Variants in ARID2 observed in about 807,000 individuals in gnomAD.
The protein encoded by ARID2 is AT-rich interaction domain 2, also known as AT-rich interactive domain-containing protein 2.
ARID2 carries 32 observed loss-of-function variants against 184.6 expected under a neutral mutation model. The ratio of observed to expected loss-of-function variants is 0.17; its 90% CI spans 0.13 to 0.23. The LOEUF is 0.23. Among genes scored for constraint, ARID2 ranks in the 10% least tolerant of loss-of-function variants. The pLI, the probability that ARID2 is intolerant of heterozygous loss-of-function variation, is 1.00. For missense variants in ARID2, 1,696 were observed against 2,197.6 expected (o/e 0.77, Z 4.56); for synonymous variants, 836 against 772.6 (o/e 1.08, Z -1.36).
At chr12:45,786,808 C>G (rs1176136788) in intron 3 of ARID2, among the ~76,000 whole-genome samples, 1 of 152,122 alleles carries the variant, frequency 6.6e-6, no homozygotes, top group Admixed American at 6.5e-5. Context: ...TACTATTCAG[C>G]CGTAAAAAAG....
chr12:45,867,080 A>T (rs1175188593), intron 16 of ARID2, among the ~76,000 whole-genome samples: 29 of 152,160 alleles, frequency 1.9e-4, no homozygotes, highest in Admixed American at 1.5e-3. Flanking sequence ...CTTCCTGAGT[A>T]GCTGGGACTA....
At chr12:45,798,064 G>C (rs1942423535) in intron 3 of ARID2, among the ~76,000 whole-genome samples, 1 of 152,076 alleles carries the variant, frequency 6.6e-6, no homozygotes, top group African/African-American at 2.4e-5. Context: ...TACCTAGATA[G>C]AAATACACCA....
chr12:45,800,925 ACT>A (rs1273209713), intron 3 of ARID2, among the ~76,000 whole-genome samples: 1 of 152,082 alleles, frequency 6.6e-6, no homozygotes, highest in Non-Finnish European at 1.5e-5. Context: ...GTAAGAGGAG[ACT>A]CTCTGAATCC....
intron 15 of ARID2, among the ~76,000 whole-genome samples, chr12:45,856,096 ACACAGTCTCG>A (rs1372152974): frequency 3.2e-5 from 3 of 93,922 alleles, no homozygotes; most frequent in Admixed American, 1.5e-4. Context: ...TTTTTTTGAG[ACACAGTCTCG>A]CTCTGTTGCG....
intron 20 of ARID2, among the ~76,000 whole-genome samples, chr12:45,899,787 TC>T (rs1266613195): frequency 2.4e-5 from 2 of 84,426 alleles, no homozygotes; most frequent in South Asian, 7.7e-4. Flanking sequence ...TACCCCCCCC[TC>T]CCACCTCCAA....
intron 16 of ARID2, among the ~76,000 whole-genome samples, chr12:45,888,245 G>A (rs1180411760): frequency 2.0e-5 from 3 of 150,088 alleles, no homozygotes; most frequent in African/African-American, 7.4e-5. Context: ...TCAGTAATAA[G>A]CATTTTTTTC....
intron 16 of ARID2, among the ~76,000 whole-genome samples, chr12:45,876,473 C>T (rs993220464): frequency 2.0e-5 from 3 of 150,476 alleles, no homozygotes; most frequent in Non-Finnish European, 3.0e-5. Flanking sequence ...TCGTTTGAGC[C>T]CGGAAGGTGG....
chr12:45,808,761 ATGTGTGTGTG>A (rs533034285), intron 3 of ARID2, among the ~76,000 whole-genome samples: 1 of 141,046 alleles, frequency 7.1e-6, no homozygotes, highest in African/African-American at 2.6e-5. Context: ...GTGTGTGTGT[ATGTGTGTGTG>A]TGTGTGTTGA....
rs1459853256 is a variant in ARID2, at chr12:45,811,543, G to C, written c.410G>C (p.Ser137Thr). The C allele has an allele frequency of 6.2e-7, 1 of 1,612,692 alleles. No individual in the cohort carries two copies. Among genetic ancestry groups the C allele is most frequent in the Admixed American group, 1.7e-5 (1 of 59,758 alleles). Residue 137 changes from serine to threonine, a missense_variant, in exon 4 of 21, where the codon AGT becomes ACT. Ser to Thr is a moderately conservative substitution (Grantham distance 58, BLOSUM62 1). This residue lies in a region of ARID2 where 148 missense variants were observed against 285.4 expected (regional missense o/e 0.52). Coordinates refer to ENST00000334344, the MANE Select transcript of ARID2 (RefSeq NM_152641.4). ...TCTTCCTACAATTACCAGCAACACAGTGTGTCGGGTAAATATCACTGCAAA... is the reference window on the plus strand; with the variant it reads ...TCTTCCTACAATTACCAGCAACACACTGTGTCGGGTAAATATCACTGCAAA... Reference protein sequence around the residue: ...IPSSYNYQQHSVSDYLRQSYG... With the variant: ...IPSSYNYQQHTVSDYLRQSYG...
In ARID2 at chr12:45,888,509, T is replaced by A. The variant is rs145369894; in HGVS notation, c.4923-3271T>A. Among the ~76,000 whole-genome samples the A allele has an allele frequency of 2.9e-4, 44 of 152,278 alleles. No homozygotes were observed. The East Asian group carries it at 8.3e-3, about 29-fold the overall frequency. On this transcript the variant is annotated intron_variant, in intron 16 of 20. Coordinates refer to ENST00000334344, the MANE Select transcript of ARID2 (RefSeq NM_152641.4). ...GCAAAGCTTGGCAATTTTGGAATAG[T>A]TGTGGAGAAGATCTCAGAGTAGAGG...
Position 45,839,385 on chromosome 12 carries a change from G to T in ARID2, c.1387G>T (p.Ala463Ser), listed in dbSNP as rs749785309. 6.2e-7 allele frequency: 1 copy of T among 1,614,020 alleles called. No individual in the cohort carries two copies. The highest frequency in any genetic ancestry group is 1.1e-5 in the South Asian group (1 of 91,068). ...DIQMFGPDAL[A>S]AVKLIEHPSS... Reference sequence around the variant, plus strand: ...TCAGATGTTTGGCCCTGATGCACTAGCTGCGGTAAAACTCATTGAACACCC... The same window carrying T: ...TCAGATGTTTGGCCCTGATGCACTATCTGCGGTAAAACTCATTGAACACCC... Residue 463 changes from alanine (A) to serine (S), a missense_variant, in exon 11 of 21, where the codon GCT (alanine) becomes TCT (serine). Ala to Ser is a moderately conservative substitution (Grantham distance 99, BLOSUM62 1). Around this residue, in one of 11 missense-constraint regions of ARID2, gnomAD observed 86 missense variants for 200.8 expected, o/e 0.43. Transcript: ENST00000334344.
chr12:45,823,883 C>G (rs1942943257), intron 6 of ARID2, among the ~76,000 whole-genome samples: 1 of 152,122 alleles, frequency 6.6e-6, no homozygotes, highest in Admixed American at 6.6e-5. Flanking sequence ...CAGTTCTTCT[C>G]TAACTATTCC....
intron 11 of ARID2, chr12:45,840,180 G>T (rs1943317084): frequency 6.6e-6 from 1 of 151,800 alleles, no homozygotes; most frequent in Non-Finnish European, 1.5e-5. Context: ...CTCTACCTTG[G>T]TTTATACTAA....
At chr12:45,854,900 C>T (rs981640894) in intron 15 of ARID2, among the ~76,000 whole-genome samples, 1 of 152,160 alleles carries the variant, frequency 6.6e-6, no homozygotes, top group Non-Finnish European at 1.5e-5. Flanking sequence ...AAGATGAGGA[C>T]TCAAGATGGC....
intron 16 of ARID2, among the ~76,000 whole-genome samples, chr12:45,867,086 G>A (rs1193809454): frequency 6.6e-6 from 1 of 152,032 alleles, no homozygotes; most frequent in Non-Finnish European, 1.5e-5. Flanking sequence ...GAGTAGCTGG[G>A]ACTACAGGTG....
At chr12:45,761,585 T>C (rs1941680108) in intron 3 of ARID2, among the ~76,000 whole-genome samples, 1 of 152,196 alleles carries the variant, frequency 6.6e-6, no homozygotes, top group Admixed American at 6.5e-5. Context: ...TGAAATCTGG[T>C]ATCAGTTTGA....
Position 45,906,770 on chromosome 12 carries a change from TGTA to T in ARID2, c.*1694_*1696del, listed in dbSNP as rs1165490515. Reference sequence around the variant, plus strand: ...TCATCTTGTTATAATGCAGAGCAAATGTAGAGAACAGCAAATGATTGATGCAGT... The same window carrying T: ...TCATCTTGTTATAATGCAGAGCAAATGAGAACAGCAAATGATTGATGCAGT... On this transcript the variant is annotated 3_prime_UTR_variant, in exon 21 of 21. Transcript: ENST00000334344. 3 of 231,934 alleles carry T rather than the reference TGTA, an allele frequency of 1.3e-5. No homozygotes were observed. The highest frequency in any genetic ancestry group is 1.7e-5 in the Non-Finnish European group (2 of 117,380). The allele number at this position is 231,934 out of a possible 1,614,324, so 14.4% of individuals were successfully genotyped here.
chr12:45,869,076 T>G (rs75482589), intron 16 of ARID2, among the ~76,000 whole-genome samples: 16,905 of 151,856 alleles, frequency 0.11, 3,034 homozygotes, highest in African/African-American at 0.38. Context: ...CTGGAGTACA[T>G]TGGCAAGATG....
intron 3 of ARID2, among the ~76,000 whole-genome samples, chr12:45,801,786 G>T (rs1490284576): frequency 6.6e-6 from 1 of 152,132 alleles, no homozygotes; most frequent in Non-Finnish European, 1.5e-5. Flanking sequence ...AAAAATGTGT[G>T]TATTGGGGGG....
Sources: gnomAD v4.1 joint callset for allele counts (sites outside exome capture counted in the v4.1 genomes callset) on GRCh38, gnomAD v4.1.1 for gene constraint, gnomAD v4.1.1 regional missense constraint, MANE v1.5 for transcripts, NCBI Gene and HGNC (gene_info 2026-07-23, HGNC 2026-07-21) for gene names.